The following PTPRO variants were observed in gnomAD, a reference collection of about 807,000 sequenced individuals.
The protein encoded by PTPRO is receptor-type tyrosine-protein phosphatase O.
In PTPRO, 62 loss-of-function variants were observed where a neutral mutation model predicts 145.2. The observed-to-expected ratio is 0.43, with a 90% CI of 0.35 to 0.53. PTPRO has a LOEUF of 0.53. PTPRO is among the 20% of genes least tolerant of loss of function. The probability of loss-of-function intolerance (pLI) is 0.01; values close to 1 mark genes in which losing one functional copy is unlikely to be tolerated. For synonymous variants in PTPRO, 565 were observed against 514.7 expected (o/e 1.10, Z -1.32); for missense variants, 1,345 against 1,482.7 (o/e 0.91, Z 1.53).
chr12:15,545,997 A>G (rs1479478642), intron 12 of PTPRO, among the ~76,000 whole-genome samples: 1 of 147,702 alleles, frequency 6.8e-6, no homozygotes, highest in Non-Finnish European at 1.5e-5. Flanking sequence ...CCTGGGTGAC[A>G]GAGTGAGACC....
intron 19 of PTPRO, among the ~76,000 whole-genome samples, chr12:15,571,968 T>C (rs1480542807): frequency 6.6e-6 from 1 of 152,254 alleles, no homozygotes; most frequent in African/African-American, 2.4e-5. Context: ...TATAATATGC[T>C]GAGGGCTTTT....
intron 1 of PTPRO, among the ~76,000 whole-genome samples, chr12:15,398,857 A>G (rs1202429181): frequency 6.6e-6 from 1 of 152,196 alleles, no homozygotes; most frequent in Non-Finnish European, 1.5e-5. Flanking sequence ...ATTCAGGATC[A>G]AAACCCAGTT....
Position 15,565,549 on chromosome 12 carries a change from T to C in PTPRO, c.2712-44T>C, listed in dbSNP as rs775514974. The C allele has an allele frequency of 3.9e-6, 5 of 1,280,324 alleles. No homozygotes were observed. The South Asian group carries it at 6.1e-5, about 16-fold the overall frequency. The allele number at this position is 1,280,324 out of a possible 1,614,324, so 79.3% of individuals were successfully genotyped here. On this transcript the variant is annotated intron_variant, in intron 17 of 26. Transcript: ENST00000281171. ...CAAGTTTAATTATTATGTTAATCAA[T>C]TCTTCTGCCCAGATAAATTTGTCTT...
intron 7 of PTPRO, 39 bp from the exon 8 acceptor site, chr12:15,515,459 C>T (rs745894878): frequency 1.1e-5 from 17 of 1,611,012 alleles, no homozygotes; most frequent in Admixed American, 1.7e-5. Flanking sequence ...TTCTGAAATC[C>T]CAGCTCTAAA....
intron 17 of PTPRO, among the ~76,000 whole-genome samples, chr12:15,561,213 G>T (rs1284432737): frequency 1.3e-5 from 2 of 151,928 alleles, no homozygotes; most frequent in African/African-American, 4.8e-5. Flanking sequence ...GGTCTCAGAA[G>T]AAAACAATAA....
At chr12:15,342,911 G>A (rs1867052808) in intron 1 of PTPRO, among the ~76,000 whole-genome samples, 1 of 152,162 alleles carries the variant, frequency 6.6e-6, no homozygotes, top group East Asian at 1.9e-4. Flanking sequence ...TCAGGTATGT[G>A]TACCTATTCA....
At chr12:15,409,889 T>C (rs563092971) in intron 1 of PTPRO, among the ~76,000 whole-genome samples, 2 of 152,244 alleles carry the variant, frequency 1.3e-5, no homozygotes, top group Admixed American at 6.5e-5. Flanking sequence ...ATCTCCAGCA[T>C]TGGGGATTAC....
chr12:15,441,704 C>T (rs534581793), intron 1 of PTPRO, among the ~76,000 whole-genome samples: 2 of 152,076 alleles, frequency 1.3e-5, no homozygotes, highest in African/African-American at 4.8e-5. Flanking sequence ...ACAGAAAATC[C>T]TTGGAGACCA....
chr12:15,340,015 C>T (rs1591715124), intron 1 of PTPRO, among the ~76,000 whole-genome samples: 1 of 152,168 alleles, frequency 6.6e-6, no homozygotes, highest in African/African-American at 2.4e-5. Context: ...TGATTTAGTT[C>T]TTCCAAGCCT....
intron 1 of PTPRO, among the ~76,000 whole-genome samples, chr12:15,364,993 A>C (rs540462602): frequency 4.9e-4 from 74 of 151,582 alleles, no homozygotes; most frequent in African/African-American, 1.7e-3. Flanking sequence ...CTTTAGTTTG[A>C]CTCATTCTTT....
intron 10 of PTPRO, among the ~76,000 whole-genome samples, chr12:15,521,001 A>G (rs1365801313): frequency 6.6e-6 from 1 of 152,212 alleles, no homozygotes; most frequent in Non-Finnish European, 1.5e-5. Context: ...TAAATTATGT[A>G]GTTGCATCAT....
chr12:15,471,224 C>CA (rs1177560551), intron 1 of PTPRO, among the ~76,000 whole-genome samples: 1 of 151,896 alleles, frequency 6.6e-6, no homozygotes, highest in African/African-American at 2.4e-5. Flanking sequence ...ACAAAAAATA[C>CA]AAAAAAATAA....
Position 15,569,430 on chromosome 12 carries a change from G to A in PTPRO, c.2761G>A (p.Asp921Asn). The A allele has an allele frequency of 6.2e-7, 1 of 1,613,368 alleles. No homozygotes were observed. Among genetic ancestry groups the A allele is most frequent in the South Asian group, 1.1e-5 (1 of 91,064 alleles). Residue 921 changes from aspartate to asparagine, a missense_variant, in exon 19 of 27, where the codon GAT (aspartate) becomes AAT (asparagine). By Grantham distance (23) the Asp-to-Asn change is conservative. Transcript: ENST00000281171. ...TGTTTGGCAAAGCCCGGTTCAACTG[G>A]ATGACTTTGATGCCTATATTAAGGA... ...KRKLTNPVQL[D>N]DFDAYIKDMA...
intron 1 of PTPRO, among the ~76,000 whole-genome samples, chr12:15,333,152 A>G (rs1447072307): frequency 6.6e-6 from 1 of 152,230 alleles, no homozygotes; most frequent in African/African-American, 2.4e-5. Flanking sequence ...AGAAAAATGC[A>G]TGGCACATAG....
At chr12:15,576,453 CAGTT>C (rs1944187831) in intron 19 of PTPRO, among the ~76,000 whole-genome samples, 1 of 152,176 alleles carries the variant, frequency 6.6e-6, no homozygotes. Context: ...AAAGTTCTGT[CAGTT>C]AGTCAGCTTC....
At chr12:15,545,227 A>G (rs1281633633) in intron 12 of PTPRO, among the ~76,000 whole-genome samples, 1 of 152,004 alleles carries the variant, frequency 6.6e-6, no homozygotes, top group Non-Finnish European at 1.5e-5. Flanking sequence ...AGAGTGGGGC[A>G]GAAAATGAAA....
At chr12:15,421,726 A>G (rs1940152484) in intron 1 of PTPRO, among the ~76,000 whole-genome samples, 2 of 152,314 alleles carry the variant, frequency 1.3e-5, no homozygotes, top group South Asian at 2.1e-4. Context: ...ATCATTTACC[A>G]TTATTAAAGG....
intron 1 of PTPRO, among the ~76,000 whole-genome samples, chr12:15,445,425 T>C (rs889664146): frequency 6.6e-6 from 1 of 152,156 alleles, no homozygotes; most frequent in Non-Finnish European, 1.5e-5. Context: ...GTAAATAAAG[T>C]ACGTAGCCTT....
intron 1 of PTPRO, among the ~76,000 whole-genome samples, chr12:15,421,014 T>TA (rs1940129200): frequency 6.6e-6 from 1 of 152,222 alleles, no homozygotes; most frequent in South Asian, 2.1e-4. Context: ...GGTATGCATA[T>TA]ACTGAACACC....
Sources: allele counts gnomAD v4.1 joint callset (sites outside exome capture counted in the v4.1 genomes callset), GRCh38; gene constraint gnomAD v4.1.1; transcripts MANE v1.5; gene names NCBI Gene and HGNC (gene_info 2026-07-23, HGNC 2026-07-21).